SKIC8: variants seen among roughly 807,000 people sequenced by gnomAD.
The protein encoded by SKIC8 is SKI8 subunit of superkiller complex.
chr15:78,283,600 C>T, the SKIC8 span: 64 of 1,142,476 alleles, frequency 5.6e-5, no homozygotes, highest in East Asian at 1.2e-3. Context: ...CTTATTTTCT[C>T]GTTATTCTGA....
the SKIC8 span, chr15:78,285,032 T>C: frequency 1.9e-6 from 1 of 528,170 alleles, no homozygotes; most frequent in Non-Finnish European, 3.4e-6. Context: ...TTCCAGCCTA[T>C]GTGGGGATAT....
the SKIC8 span, chr15:78,299,336 GAGGC>G: frequency 1.8e-4 from 27 of 152,516 alleles, no homozygotes; most frequent in African/African-American, 6.5e-4. Flanking sequence ...GACGCAAAAG[GAGGC>G]CACCCACGGG....
chr15:78,292,930 C>T, the SKIC8 span: 1 of 1,055,476 alleles, frequency 9.5e-7, no homozygotes. Context: ...CTACAGAACA[C>T]CAAATGCTGC....
At chr15:78,290,421 T>C in the SKIC8 span, 1 of 245,146 alleles carries the variant, frequency 4.1e-6, no homozygotes, top group Non-Finnish European at 7.8e-6. Context: ...AACAAACACT[T>C]ACCATGATAC....
At chr15:78,292,316 A>G in the SKIC8 span, 4 of 300,960 alleles carry the variant, frequency 1.3e-5, no homozygotes, top group East Asian at 3.2e-4. Flanking sequence ...CTTTTTCTAC[A>G]GGTTTACTAC....
chr15:78,295,844 C>G, the SKIC8 span: 1 of 793,554 alleles, frequency 1.3e-6, no homozygotes, highest in East Asian at 2.7e-5. Context: ...TTCTGACACC[C>G]TTCTATGGAT....
the SKIC8 span, chr15:78,293,327 C>G: frequency 6.8e-7 from 1 of 1,469,812 alleles, no homozygotes; most frequent in Non-Finnish European, 9.5e-7. Context: ...CTTAATGAAG[C>G]CGAGATACTG....
chr15:78,295,401 C>CTTTT, the SKIC8 span: 172 of 395,128 alleles, frequency 4.4e-4, no homozygotes, highest in South Asian at 8.9e-4. Flanking sequence ...CTATTCTGAT[C>CTTTT]TTTTTTTTTT....
the SKIC8 span, chr15:78,292,819 T>C: frequency 6.2e-7 from 1 of 1,609,336 alleles, no homozygotes; most frequent in Non-Finnish European, 8.5e-7. Flanking sequence ...ATGGATTTCT[T>C]CACAAAGAAC....
At chr15:78,288,163 G>T in the SKIC8 span, 1 of 920,452 alleles carries the variant, frequency 1.1e-6, no homozygotes, top group Non-Finnish European at 1.6e-6. Context: ...GACCGCCTGG[G>T]GAGTCAAGGT....
At chr15:78,293,302 T>G in the SKIC8 span, 1 of 1,587,654 alleles carries the variant, frequency 6.3e-7, no homozygotes, top group Non-Finnish European at 8.6e-7. Context: ...ATTTATAAAG[T>G]CTTCTTGCAT....
chr15:78,284,820 TAAAA>T, the SKIC8 span: 2 of 148,220 alleles, frequency 1.3e-5, no homozygotes, highest in East Asian at 1.9e-4. Context: ...TCTACTATAT[TAAAA>T]AAAAAAAAAT....
chr15:78,295,123 G>A, the SKIC8 span: 1 of 834,044 alleles, frequency 1.2e-6, no homozygotes, highest in Non-Finnish European at 1.9e-6. Context: ...CAAGCTCCTT[G>A]ATTCCCATTC....
At chr15:78,290,623 C>T in the SKIC8 span, 2 of 152,388 alleles carry the variant, frequency 1.3e-5, no homozygotes, top group Non-Finnish European at 2.9e-5. Context: ...TCTATTTTCC[C>T]TACATTCATT....
chr15:78,299,594 G>A, the SKIC8 span: 1 of 152,356 alleles, frequency 6.6e-6, no homozygotes, highest in African/African-American at 2.4e-5. Context: ...TCGGAAGCCG[G>A]GCTCCGCGCG....
At chr15:78,297,915 A>C in the SKIC8 span, among the ~76,000 whole-genome samples, 2 of 152,206 alleles carry the variant, frequency 1.3e-5, no homozygotes, top group African/African-American at 4.8e-5. Flanking sequence ...TCAAATTGGT[A>C]GTGTTTTGTT....
chr15:78,283,581 AT>A, the SKIC8 span: 2 of 1,283,108 alleles, frequency 1.6e-6, no homozygotes, highest in Non-Finnish European at 2.2e-6. Flanking sequence ...TATTTATGAA[AT>A]GAACATCCTT....
chr15:78,295,055 A>T, the SKIC8 span: 1 of 1,523,052 alleles, frequency 6.6e-7, no homozygotes. Flanking sequence ...CTCCTCCCCG[A>T]GTAGACAGAG....
chr15:78,289,645 G>A, the SKIC8 span: 2 of 1,614,032 alleles, frequency 1.2e-6, no homozygotes, highest in Non-Finnish European at 1.7e-6. Flanking sequence ...AAGTTTTCCA[G>A]TTGCAATATC....
Sources: gnomAD v4.1 joint callset for allele counts (sites outside exome capture counted in the v4.1 genomes callset) on GRCh38, gnomAD v4.1.1 for gene constraint, MANE v1.5 for transcripts, NCBI Gene and HGNC (gene_info 2026-07-23, HGNC 2026-07-21) for gene names.